Variants in ANKMY1 observed in about 807,000 individuals in gnomAD.
ANKMY1 encodes the protein ankyrin repeat and MYND domain-containing protein 1.
Under a neutral mutation model 102.0 loss-of-function variants are expected in ANKMY1, and 98 were observed. That is an observed-to-expected ratio of 0.96 (90% CI 0.82 to 1.14). The LOEUF (loss-of-function observed/expected upper bound fraction) is 1.14, where lower values mean the gene tolerates loss of function less well. Among genes scored for constraint, ANKMY1 ranks in the 50% most tolerant of loss-of-function variants. The pLI is 0.00. For synonymous variants in ANKMY1, 582 were observed against 559.9 expected (o/e 1.04, Z -0.56); for missense variants, 1,330 against 1,347.6 (o/e 0.99, Z 0.20).
intron 16 of ANKMY1, 69 bp from the exon 17 acceptor site, chr2:240,481,166 T>C (rs2075338616): frequency 6.5e-7 from 1 of 1,550,298 alleles, no homozygotes; most frequent in Admixed American, 1.7e-5. Context: ...AGCCGCTGCC[T>C]GGGAGCTGTG....
At chr2:240,507,077 G>T (rs531578843) in intron 13 of ANKMY1, among the ~76,000 whole-genome samples, 2 of 151,918 alleles carry the variant, frequency 1.3e-5, no homozygotes, top group African/African-American at 4.8e-5. Context: ...TGTTTTCACC[G>T]AGACAAATTT....
At chr2:240,473,591 G>C in the ANKMY1 span, among the ~76,000 whole-genome samples, 1 of 151,516 alleles carries the variant, frequency 6.6e-6, no homozygotes, top group Non-Finnish European at 1.5e-5. Flanking sequence ...CTCAAAAGAA[G>C]ACAGAAACAA....
intron 11 of ANKMY1, 90 bp from the exon 12 acceptor site, chr2:240,509,545 A>G: frequency 1.1e-6 from 1 of 917,274 alleles, no homozygotes; most frequent in South Asian, 1.7e-5. Context: ...CATGAAATCA[A>G]TGTAGTCACT....
chr2:240,539,498 ACACT>A (rs2088018833), intron 4 of ANKMY1, among the ~76,000 whole-genome samples: 1 of 152,224 alleles, frequency 6.6e-6, no homozygotes, highest in East Asian at 1.9e-4. Flanking sequence ...AAGAACCGTA[ACACT>A]CACCACGAGG....
At chr2:240,471,338 G>A in the ANKMY1 span, among the ~76,000 whole-genome samples, 5,213 of 148,818 alleles carry the variant, frequency 0.035, 296 homozygotes, top group African/African-American at 0.12. Flanking sequence ...AGCTCACTGC[G>A]ACCTCTGCCT....
chr2:240,471,921 C>A, the ANKMY1 span, among the ~76,000 whole-genome samples: 4 of 152,184 alleles, frequency 2.6e-5, no homozygotes, highest in Non-Finnish European at 5.9e-5. Flanking sequence ...GCCCAGGGAT[C>A]TCCTGGAAGA....
intron 11 of ANKMY1, among the ~76,000 whole-genome samples, chr2:240,511,210 G>A (rs1361152658): frequency 6.6e-6 from 1 of 152,032 alleles, no homozygotes; most frequent in Non-Finnish European, 1.5e-5. Context: ...TCATCCTCAC[G>A]CTCATGTCAG....
chr2:240,495,839 A>G (rs573972313), intron 15 of ANKMY1, among the ~76,000 whole-genome samples: 53 of 151,990 alleles, frequency 3.5e-4, no homozygotes, highest in Non-Finnish European at 5.3e-4. Context: ...CCTCTTCCCT[A>G]TATTGGGAAT....
intron 14 of ANKMY1, 94 bp downstream of exon 14, chr2:240,500,358 C>A: frequency 7.3e-7 from 1 of 1,362,380 alleles, no homozygotes; most frequent in Non-Finnish European, 1.0e-6. Context: ...GAACCTTGAG[C>A]CCAGCTTTGC....
At chr2:240,552,879 T>C (rs761876156) in intron 4 of ANKMY1, 35 bp downstream of exon 4, 11 of 1,612,932 alleles carry the variant, frequency 6.8e-6, no homozygotes, top group African/African-American at 1.3e-5. Context: ...ACACAGCCAC[T>C]TCGACCCCAG....
chr2:240,545,539 G>C (rs1287915706), intron 4 of ANKMY1, among the ~76,000 whole-genome samples: 1 of 152,218 alleles, frequency 6.6e-6, no homozygotes, highest in Admixed American at 6.5e-5. Context: ...AGAGAAGAAG[G>C]CTTCAGACGA....
At chr2:240,534,857 C>CT (rs1328101440) in intron 4 of ANKMY1, among the ~76,000 whole-genome samples, 7 of 152,046 alleles carry the variant, frequency 4.6e-5, no homozygotes. Context: ...AATCCCAGCA[C>CT]TTTCGGAGGC....
At chr2:240,514,130 A>AT (rs1244149595) in intron 9 of ANKMY1, among the ~76,000 whole-genome samples, 1 of 152,230 alleles carries the variant, frequency 6.6e-6, no homozygotes, top group Non-Finnish European at 1.5e-5. Flanking sequence ...AACTGAGCTA[A>AT]TAACAGAACC....
chr2:240,482,563 C>A (rs7340350), intron 15 of ANKMY1, among the ~76,000 whole-genome samples: 45,888 of 152,234 alleles, frequency 0.3, 7,197 homozygotes, highest in Non-Finnish European at 0.34. Context: ...CCTTTGGGTT[C>A]TTCTTAAACT....
rs1000148174 is a variant in ANKMY1 at position 240,524,193 on chromosome 2, C to T, written c.1524G>A (p.Gln508=). ...HEGGHFQDTG[Q]CGGSIDHRSS... Reference sequence around the variant, plus strand: ...TCCTGTGGTCTATGGACCCCCCACACTGCCCGGTGTCCTGGAAGTGGCCGC... The same window carrying T: ...TCCTGTGGTCTATGGACCCCCCACATTGCCCGGTGTCCTGGAAGTGGCCGC... The change falls in exon 8 of 18, where the codon CAG becomes CAA. Residue 508 remains glutamine, a synonymous_variant. Transcript: ENST00000401804. 2 of 1,613,936 alleles carry T rather than the reference C, an allele frequency of 1.2e-6. No homozygotes were observed. Among genetic ancestry groups the T allele is most frequent in the Admixed American group, 3.3e-5 (2 of 60,030 alleles).
chr2:240,512,090 C>A (rs1016893005), intron 10 of ANKMY1, 89 bp from the exon 11 acceptor site: 3 of 1,411,360 alleles, frequency 2.1e-6, no homozygotes, highest in Non-Finnish European at 1.8e-6. Context: ...TCCTCCCCAG[C>A]CTGCGGGTCT....
downstream of ANKMY1, among the ~76,000 whole-genome samples, chr2:240,475,365 G>T (rs967603298): frequency 9.2e-5 from 14 of 151,746 alleles, no homozygotes; most frequent in Non-Finnish European, 1.3e-4. Flanking sequence ...CACTAACAAT[G>T]AACTATCTGA....
rs1220093041 is a variant in ANKMY1, at chr2:240,520,386, C to T, written c.1980G>A (p.Arg660=). The change falls in exon 9 of 18, where the codon AGG becomes AGA. Residue 660 remains arginine, a synonymous_variant. Transcript: ENST00000401804. This position sits in a 1 kb window ranked among gnomAD's most constrained non-coding sequence, Gnocchi z 4.8. ...CCTGCGGCGGAAAGCAGATGTCGGTCCTCGCCCCGTGCTCCAGCAGCAGCC... is the reference window on the plus strand; with the variant it reads ...CCTGCGGCGGAAAGCAGATGTCGGTTCTCGCCCCGTGCTCCAGCAGCAGCC... ...GVRLLLEHGA[R]TDICFPPQLS... is the part of the protein sequence containing the mutation. The T allele has an allele frequency of 3.2e-6, 5 of 1,578,042 alleles. No individual in the cohort carries two copies. The highest frequency in any genetic ancestry group is 3.4e-6 in the Non-Finnish European group (4 of 1,161,862).
At chr2:240,510,692 A>T (rs1421361237) in intron 11 of ANKMY1, among the ~76,000 whole-genome samples, 2 of 152,028 alleles carry the variant, frequency 1.3e-5, no homozygotes, top group Non-Finnish European at 2.9e-5. Context: ...GGCTCCTGGG[A>T]AAGGGACCCC....
Sources: gnomAD v4.1 joint callset for allele counts (sites outside exome capture counted in the v4.1 genomes callset) on GRCh38, gnomAD v4.1.1 for gene constraint, Gnocchi (gnomAD v3.1) non-coding constraint, MANE v1.5 for transcripts, NCBI Gene and HGNC (gene_info 2026-07-23, HGNC 2026-07-21) for gene names.